Variants in PRPH2 observed in about 807,000 individuals in gnomAD.
The protein encoded by PRPH2 is peripherin-2.
A neutral mutation model predicts 31.3 loss-of-function variants in PRPH2; 17 were observed. The observed-to-expected ratio is 0.54, with a 90% CI of 0.37 to 0.81. PRPH2 has a LOEUF of 0.81. PRPH2 is among the 40% of genes least tolerant of loss of function. The pLI is 0.00. For synonymous variants in PRPH2, 165 were observed against 184.4 expected, an observed-to-expected ratio of 0.89 and a Z score of 0.85; for missense variants, 430 against 439.7, an observed-to-expected ratio of 0.98 and a Z score of 0.20.
In PRPH2 at chr6:42,722,377, C is replaced by G. The variant is rs745775867; in HGVS notation, c.-43G>C. 6.2e-7 allele frequency: 1 copy of G among 1,609,398 alleles called. No individual in the cohort carries two copies. The highest frequency in any genetic ancestry group is 1.3e-5 in the African/African-American group (1 of 75,024). On this transcript the variant is annotated 5_prime_UTR_variant, in exon 1 of 3. Coordinates refer to ENST00000230381, the MANE Select transcript of PRPH2 (RefSeq NM_000322.5). This position sits in a 1 kb window ranked among gnomAD's most constrained non-coding sequence, Gnocchi z 4.4. Reference sequence around the variant, plus strand: ...CGGGTTGCTTCCCACAGCACAGCTCCCACCCCAAACCTTAACGAGCCCAGA... The same window carrying G: ...CGGGTTGCTTCCCACAGCACAGCTCGCACCCCAAACCTTAACGAGCCCAGA...
At chr6:42,713,096 G>A (rs926149857) in intron 1 of PRPH2, among the ~76,000 whole-genome samples, 3 of 151,786 alleles carry the variant, frequency 2.0e-5, no homozygotes, top group African/African-American at 7.3e-5. Context: ...ATGATGGTGG[G>A]CACCTGTAAT....
intron 1 of PRPH2, among the ~76,000 whole-genome samples, chr6:42,707,318 T>C (rs1425848366): frequency 1.3e-5 from 2 of 152,188 alleles, no homozygotes; most frequent in Non-Finnish European, 1.5e-5. Flanking sequence ...TGATGGAAGT[T>C]TGGGTTTTTC....
intron 1 of PRPH2, among the ~76,000 whole-genome samples, chr6:42,715,354 T>C (rs1174040201): frequency 6.6e-6 from 1 of 151,920 alleles, no homozygotes; most frequent in Non-Finnish European, 1.5e-5. Context: ...TGGGGTGCAG[T>C]CACTGGGCTA....
intron 2 of PRPH2, among the ~76,000 whole-genome samples, chr6:42,700,112 C>T (rs1295639784): frequency 6.6e-6 from 1 of 152,128 alleles, no homozygotes; most frequent in Non-Finnish European, 1.5e-5. Context: ...GCGTCAAAAA[C>T]TTGGCACCAC....
intron 1 of PRPH2, among the ~76,000 whole-genome samples, chr6:42,705,160 T>G (rs1800130786): frequency 6.6e-6 from 1 of 152,196 alleles, no homozygotes; most frequent in African/African-American, 2.4e-5. Flanking sequence ...CCCAGCCAGG[T>G]GGGAGCTCCT....
chr6:42,719,659 C>G (rs1348775341), intron 1 of PRPH2, among the ~76,000 whole-genome samples: 1 of 150,160 alleles, frequency 6.7e-6, no homozygotes, highest in East Asian at 2.0e-4. Context: ...CAATCTCTGC[C>G]TCCCTGGTTC....
In PRPH2 at chr6:42,698,122, T is replaced by G; in HGVS notation, c.*173A>C. On this transcript the variant is annotated 3_prime_UTR_variant, in exon 3 of 3. Transcript: ENST00000230381. ...TTTTGGGTCAGTCATTCAACAACTGTGTGTCAAATGCTTTTAGGGACCCTA... is the reference window on the plus strand; with the variant it reads ...TTTTGGGTCAGTCATTCAACAACTGGGTGTCAAATGCTTTTAGGGACCCTA... 1 of 833,310 alleles carries G rather than the reference T, an allele frequency of 1.2e-6. No homozygotes were observed. Among genetic ancestry groups the G allele is most frequent in the Non-Finnish European group, 1.9e-6 (1 of 535,932 alleles). 51.6% of individuals were successfully genotyped at this position (833,310 alleles called of 1,614,324 possible). A position where few individuals can be genotyped will look rare whatever the true frequency, so the allele number is the denominator to read the frequency against.
chr6:42,699,525 C>T (rs755043771), intron 2 of PRPH2, among the ~76,000 whole-genome samples: 9 of 152,114 alleles, frequency 5.9e-5, no homozygotes, highest in Non-Finnish European at 1.3e-4. Flanking sequence ...TTTATTCATC[C>T]GGTTTGCAGA....
chr6:42,712,159 G>A (rs1417355774), intron 1 of PRPH2, among the ~76,000 whole-genome samples: 2 of 152,152 alleles, frequency 1.3e-5, no homozygotes, highest in Non-Finnish European at 2.9e-5. Context: ...CAAACTATGG[G>A]GGATTCTGCA....
At chr6:42,703,146 A>T (rs1800077632) in intron 2 of PRPH2, among the ~76,000 whole-genome samples, 1 of 152,088 alleles carries the variant, frequency 6.6e-6, no homozygotes, top group South Asian at 2.1e-4. Flanking sequence ...GTGAGCTACG[A>T]TCATGCCCCT....
chr6:42,713,224 C>CAA (rs113027921), intron 1 of PRPH2, among the ~76,000 whole-genome samples: 283 of 139,524 alleles, frequency 2.0e-3, no homozygotes, highest in Admixed American at 4.2e-3. Flanking sequence ...AACTCCATCT[C>CAA]AAAAAAAAAA....
rs764289093 is a variant in PRPH2 at position 42,704,389 on chromosome 6, G to A, written c.804C>T (p.Val268=). 6.2e-6 allele frequency: 10 copies of A among 1,609,702 alleles called. No individual in the cohort carries two copies. Among genetic ancestry groups the A allele is most frequent in the Admixed American group, 1.7e-5 (1 of 59,200 alleles). Residue 268 remains valine, a synonymous_variant, in exon 2 of 3, where the codon GTC becomes GTT. Coordinates refer to ENST00000230381, the MANE Select transcript of PRPH2 (RefSeq NM_000322.5). ...YSSLMNSMGV[V]TLLIWLFEVT... is the part of the protein sequence containing the mutation. ...CCTCGAAGAGCCAAATGAGGAGCGT[G>A]ACGACACCCATGGAGTTCATGAGGC...
intron 2 of PRPH2, among the ~76,000 whole-genome samples, chr6:42,701,768 CTAGTGAACTTTTATGACTTCTTTTA>C (rs1482532403): frequency 2.1e-5 from 3 of 142,802 alleles, no homozygotes; most frequent in Non-Finnish European, 4.5e-5. Flanking sequence ...GAGCTCAATG[CTAGTGAACTTTTATGACTTCTTTTA>C]TATTCAGTCT....
intron 1 of PRPH2, among the ~76,000 whole-genome samples, chr6:42,708,936 G>A (rs941725241): frequency 2.6e-5 from 4 of 152,110 alleles, no homozygotes; most frequent in East Asian, 1.9e-4. Context: ...CCCTCCTTCC[G>A]CTTAGAGCCA....
At chr6:42,720,852 G>A (rs1761889279) in intron 1 of PRPH2, among the ~76,000 whole-genome samples, 1 of 152,230 alleles carries the variant, frequency 6.6e-6, no homozygotes. Context: ...CCAGGTTGGT[G>A]GGTGTGTTGG....
chr6:42,711,511 G>T (rs573738061), intron 1 of PRPH2, among the ~76,000 whole-genome samples: 2 of 151,486 alleles, frequency 1.3e-5, no homozygotes, highest in South Asian at 4.2e-4. Flanking sequence ...GTCTTCAGGG[G>T]ACCCTAGTTT....
At chr6:42,715,436 C>T (rs1371191618) in intron 1 of PRPH2, among the ~76,000 whole-genome samples, 4 of 151,710 alleles carry the variant, frequency 2.6e-5, no homozygotes, top group Non-Finnish European at 5.9e-5. Context: ...TTTGGGAGGC[C>T]GAGGCAGGCG....
At chr6:42,708,339 C>A (rs1400367235) in intron 1 of PRPH2, among the ~76,000 whole-genome samples, 1 of 152,246 alleles carries the variant, frequency 6.6e-6, no homozygotes, top group Non-Finnish European at 1.5e-5. Context: ...CAAAGCCCCA[C>A]TCCAGCCATG....
In PRPH2 at chr6:42,698,187, G is replaced by GT; in HGVS notation, c.*107dup. ...CGTCAGGGAGAGTCTCTGTAAGATG[G>GT]TGCCCTCCTTGGGAGATTCAGACTT... On this transcript the variant is annotated 3_prime_UTR_variant, in exon 3 of 3. Transcript: ENST00000230381. The GT allele has an allele frequency of 6.9e-7, 1 of 1,455,568 alleles. No homozygotes were observed. Among genetic ancestry groups the GT allele is most frequent in the Non-Finnish European group, 9.4e-7 (1 of 1,060,550 alleles). 90.2% of individuals were successfully genotyped at this position (1,455,568 alleles called of 1,614,324 possible). A position where few individuals can be genotyped will look rare whatever the true frequency, so the allele number is the denominator to read the frequency against.
Sources: gnomAD v4.1 joint callset for allele counts (sites outside exome capture counted in the v4.1 genomes callset) on GRCh38, gnomAD v4.1.1 for gene constraint, Gnocchi (gnomAD v3.1) non-coding constraint, MANE v1.5 for transcripts, NCBI Gene and HGNC (gene_info 2026-07-23, HGNC 2026-07-21) for gene names.